The following KLHL25 variants were observed in gnomAD, a reference collection of about 807,000 sequenced individuals.
KLHL25 encodes kelch like family member 25, also known as kelch-like protein 25.
KLHL25 carries 41 observed loss-of-function variants against 30.0 expected under a neutral mutation model. The observed-to-expected ratio is 1.37, with a 90% CI of 1.07 to 1.78. The LOEUF (loss-of-function observed/expected upper bound fraction) is 1.78, where lower values mean the gene tolerates loss of function less well. Among genes scored for constraint, KLHL25 ranks in the 40% most tolerant of loss-of-function variants. The probability of loss-of-function intolerance (pLI) is 0.00; values close to 1 mark genes in which losing one functional copy is unlikely to be tolerated. For missense variants in KLHL25, 971 were observed against 824.5 expected (o/e 1.18, Z -2.18); for synonymous variants, 399 against 355.3 (o/e 1.12, Z -1.38).
At chr15:85,790,300 C>G (rs1223053564) in intron 1 of KLHL25, among the ~76,000 whole-genome samples, 1 of 152,184 alleles carries the variant, frequency 6.6e-6, no homozygotes, top group Non-Finnish European at 1.5e-5. Flanking sequence ...GTTGGTCAGG[C>G]TGGTCTCAAA....
intron 2 of KLHL25, among the ~76,000 whole-genome samples, chr15:85,766,336 C>A (rs1009451445): frequency 6.6e-6 from 1 of 152,146 alleles, no homozygotes; most frequent in Admixed American, 6.5e-5. Flanking sequence ...GTGAGGGGCC[C>A]AGGACAGCAT....
Position 85,760,502 on chromosome 15 carries a change from C to A in KLHL25, c.*534G>T, listed in dbSNP as rs1266696313. 6.6e-6 allele frequency: 1 copy of A among 152,184 alleles called. No individual in the cohort carries two copies. The highest frequency in any genetic ancestry group is 2.4e-5 in the African/African-American group (1 of 41,436). 9.4% of individuals were successfully genotyped at this position (152,184 alleles called of 1,614,324 possible). ...CACTGAGGCCCCCCTGCAGTTTCTGCACCTTAAAAAATCTGTCTTGGTCAC... is the reference window on the plus strand; with the variant it reads ...CACTGAGGCCCCCCTGCAGTTTCTGAACCTTAAAAAATCTGTCTTGGTCAC... On this transcript the variant is annotated 3_prime_UTR_variant, in exon 3 of 3. Transcript: ENST00000337975.
At chr15:85,779,433 T>C (rs545377542) in intron 1 of KLHL25, among the ~76,000 whole-genome samples, 12 of 152,262 alleles carry the variant, frequency 7.9e-5, no homozygotes, top group South Asian at 4.1e-4. Context: ...ATCGTATGTA[T>C]AAGGCATAGA....
At chr15:85,781,082 A>G (rs537316605) in intron 1 of KLHL25, among the ~76,000 whole-genome samples, 1 of 152,278 alleles carries the variant, frequency 6.6e-6, no homozygotes, top group African/African-American at 2.4e-5. Flanking sequence ...TTGTAATCCT[A>G]GTACTACTTT....
chr15:85,770,297 A>T (rs2089662426), intron 1 of KLHL25, among the ~76,000 whole-genome samples: 1 of 152,180 alleles, frequency 6.6e-6, no homozygotes, highest in South Asian at 2.1e-4. Flanking sequence ...GAAACTACCC[A>T]AACTGCCACA....
chr15:85,774,331 C>T (rs1211635908), intron 1 of KLHL25, among the ~76,000 whole-genome samples: 2 of 152,322 alleles, frequency 1.3e-5, no homozygotes, highest in East Asian at 3.9e-4. Context: ...CATCCTGCTA[C>T]GAGGGGTGGA....
At position 85,769,695 on chromosome 15, in the gene KLHL25, A is replaced by C. The variant is rs773161286; in HGVS notation, c.116T>G (p.Leu39Arg). ...GTCGGTGAACATGCAGTGCTTGCGA[A>C]GCGTGTTGAGGTGGGCCAGCACACA... ...PDCVLAHLNT[L>R]RKHCMFTDVT... is the part of the protein sequence containing the mutation. Residue 39 changes from leucine to arginine, a missense_variant, in exon 2 of 3, where the codon CTT (leucine) becomes CGT (arginine). Physicochemically the swap from Leu to Arg is moderately radical, Grantham distance 102 (BLOSUM62 -2). Coordinates refer to ENST00000337975, the MANE Select transcript of KLHL25 (RefSeq NM_022480.4). The C allele has an allele frequency of 6.2e-7, 1 of 1,613,934 alleles. No homozygotes were observed. The highest frequency in any genetic ancestry group is 8.5e-7 in the Non-Finnish European group (1 of 1,180,020).
rs2089841268 is a variant in KLHL25 at position 85,794,749 on chromosome 15, C to T, written c.-11+17G>A. 6.6e-6 allele frequency: 1 copy of T among 152,494 alleles called. No homozygotes were observed. Among genetic ancestry groups the T allele is most frequent in the Admixed American group, 6.5e-5 (1 of 15,282 alleles). The allele number at this position is 152,494 out of a possible 1,614,324, so 9.4% of individuals were successfully genotyped here. On this transcript the variant is annotated intron_variant, in intron 1 of 2. Coordinates refer to ENST00000337975, the MANE Select transcript of KLHL25 (RefSeq NM_022480.4). The stretch of plus-strand genomic sequence containing the variant: ...TGCGGCCAGAGCACGGCGTCCCCGC[C>T]CGGCCTGGATACTCACTGCCGGAGA...
chr15:85,770,162 G>T (rs943180823), intron 1 of KLHL25, among the ~76,000 whole-genome samples: 2 of 152,222 alleles, frequency 1.3e-5, no homozygotes, highest in African/African-American at 4.8e-5. Context: ...ACTGAGGCTG[G>T]TGTCCGGGCA....
At position 85,768,442 on chromosome 15, in the gene KLHL25, C is replaced by T. The variant is rs763060982; in HGVS notation, c.1369G>A (p.Asp457Asn). ...TAGCACTGGACCTTGGACACCATGT[C>T]CCGGTGGATGCTGGTTCCTCCGAAA... ...FVFGGTSIHRDMVSKVQCYDP... is the reference protein window; with the variant it reads ...FVFGGTSIHRNMVSKVQCYDP... The change falls in exon 2 of 3, where the codon GAC (aspartate) becomes AAC (asparagine). Residue 457 changes from aspartate to asparagine, a missense_variant. Physicochemically the swap from Asp to Asn is conservative, Grantham distance 23. Transcript: ENST00000337975. 5.0e-6 allele frequency: 8 copies of T among 1,613,456 alleles called. No homozygotes were observed. The Admixed American group carries it at 1.2e-4, about 24-fold the overall frequency.
In KLHL25 at chr15:85,768,370, G is replaced by T. The variant is rs760672983; in HGVS notation, c.1441C>A (p.Pro481Thr). 58 of 1,613,644 alleles carry T rather than the reference G, an allele frequency of 3.6e-5. No homozygotes were observed. The South Asian group carries it at 6.3e-4, about 17-fold the overall frequency. Residue 481 changes from proline (P) to threonine (T), a missense_variant, in exon 2 of 3, where the codon CCT becomes ACT. Physicochemically the swap from Pro to Thr is conservative, Grantham distance 38. Coordinates refer to ENST00000337975, the MANE Select transcript of KLHL25 (RefSeq NM_022480.4). ...RWTIKAECPQ[P>T]WRYTAAAVLG... ...ACGGCAGCGGCTGTGTACCGCCAAG[G>T]CTGGGGGCACTCGGCCTTGATCGTC...
intron 1 of KLHL25, among the ~76,000 whole-genome samples, chr15:85,780,289 T>A (rs1441219885): frequency 6.6e-6 from 1 of 152,234 alleles, no homozygotes; most frequent in Non-Finnish European, 1.5e-5. Flanking sequence ...GGTTCACCCA[T>A]CTGGTGAAGT....
Position 85,760,341 on chromosome 15 carries a change from C to G in KLHL25, c.*695G>C, listed in dbSNP as rs543760344. 2.0e-5 allele frequency: 3 copies of G among 152,192 alleles called. No individual in the cohort carries two copies. The highest frequency in any genetic ancestry group is 4.4e-5 in the Non-Finnish European group (3 of 68,096). 9.4% of individuals were successfully genotyped at this position (152,192 alleles called of 1,614,324 possible). ...CAGGCCCAGCTCCACTGAGTGGCCA[C>G]GAGCAACTGTGTCCCCACCGGGCCA... On this transcript the variant is annotated 3_prime_UTR_variant, in exon 3 of 3. Coordinates refer to ENST00000337975, the MANE Select transcript of KLHL25 (RefSeq NM_022480.4).
At chr15:85,788,761 T>C (rs139080798) in intron 1 of KLHL25, among the ~76,000 whole-genome samples, 22 of 152,276 alleles carry the variant, frequency 1.4e-4, no homozygotes, top group African/African-American at 4.8e-4. Context: ...TAAATAAATG[T>C]TTGTTGCATG....
chr15:85,790,691 T>C (rs546462917), intron 1 of KLHL25, among the ~76,000 whole-genome samples: 1 of 151,906 alleles, frequency 6.6e-6, no homozygotes, highest in Non-Finnish European at 1.5e-5. Context: ...GCTCTAGCTA[T>C]GGGATGGTGA....
intron 1 of KLHL25, among the ~76,000 whole-genome samples, chr15:85,777,430 A>G (rs191648794): frequency 3.0e-4 from 45 of 152,248 alleles, no homozygotes; most frequent in African/African-American, 1.1e-3. Context: ...CTTGTGGACA[A>G]TGAATCAGAG....
chr15:85,791,778 G>C (rs1258573991), intron 1 of KLHL25, among the ~76,000 whole-genome samples: 3 of 152,128 alleles, frequency 2.0e-5, no homozygotes, highest in Non-Finnish European at 4.4e-5. Flanking sequence ...CCCATTCTAG[G>C]GGATTCTGCA....
chr15:85,768,754 C>T lies in KLHL25; in HGVS notation c.1057G>A (p.Gly353Arg), dbSNP rs371811677. 14 of 1,612,908 alleles carry T rather than the reference C, an allele frequency of 8.7e-6. No homozygotes were observed. Among genetic ancestry groups the T allele is most frequent in the East Asian group, 6.7e-5 (3 of 44,876 alleles). The change falls in exon 2 of 3, where the codon GGG (glycine) becomes AGG (arginine). Residue 353 changes from glycine (G) to arginine (R), a missense_variant. Physicochemically the swap from Gly to Arg is moderately radical, Grantham distance 125. Transcript: ENST00000337975. ...TACACCCAGACATCCTTGGAGACCC[C>T]GTTCTCGGAGCCCCTGCCCCCCGTC... ...YVTGGRGSENGVSKDVWVYDT... is the reference protein window; with the variant it reads ...YVTGGRGSENRVSKDVWVYDT...
At chr15:85,777,289 G>C (rs989075286) in intron 1 of KLHL25, among the ~76,000 whole-genome samples, 2 of 152,200 alleles carry the variant, frequency 1.3e-5, no homozygotes, top group African/African-American at 4.8e-5. Context: ...CAGCCCTTCC[G>C]CAGCCTCTGA....
Sources: gnomAD v4.1 joint callset for allele counts (sites outside exome capture counted in the v4.1 genomes callset) on GRCh38, gnomAD v4.1.1 for gene constraint, MANE v1.5 for transcripts, NCBI Gene and HGNC (gene_info 2026-07-23, HGNC 2026-07-21) for gene names.